Variants in ANTXR2 observed in about 807,000 individuals in gnomAD.
ANTXR2 encodes ANTXR cell adhesion molecule 2.
In ANTXR2, 44 loss-of-function variants were observed where a neutral mutation model predicts 73.7. That is an observed-to-expected ratio of 0.60 (90% CI 0.47 to 0.77). ANTXR2 has a LOEUF of 0.77. ANTXR2 is among the 30% of genes least tolerant of loss of function. The probability of loss-of-function intolerance (pLI) is 0.00; values close to 1 mark genes in which losing one functional copy is unlikely to be tolerated. For missense variants in ANTXR2, 604 were observed against 592.5 expected, an observed-to-expected ratio of 1.02 and a Z score of -0.20; for synonymous variants, 217 against 205.9, an observed-to-expected ratio of 1.05 and a Z score of -0.46.
intron 12 of ANTXR2, among the ~76,000 whole-genome samples, chr4:79,985,710 A>C: frequency 6.6e-6 from 1 of 152,182 alleles, no homozygotes; most frequent in East Asian, 1.9e-4. Flanking sequence ...TGAGACTCCA[A>C]CTGAGAGTCT....
chr4:79,918,977 T>C (rs2109940318), intron 16 of ANTXR2, among the ~76,000 whole-genome samples: 1 of 152,236 alleles, frequency 6.6e-6, no homozygotes, highest in Admixed American at 6.6e-5. Context: ...TATTATTTGA[T>C]GTTATACTGA....
At chr4:80,072,292 C>A (rs937823872) in intron 1 of ANTXR2, 117 bp downstream of exon 1, 4 of 1,182,384 alleles carry the variant, frequency 3.4e-6, no homozygotes, top group African/African-American at 1.6e-5. Context: ...CAACAGGGCA[C>A]CCCTCCGCGG....
intron 16 of ANTXR2, among the ~76,000 whole-genome samples, chr4:79,914,687 T>G (rs1273564081): frequency 1.3e-5 from 2 of 152,164 alleles, no homozygotes; most frequent in African/African-American, 4.8e-5. Flanking sequence ...TGAACTAAGT[T>G]GAAAAATTAA....
At chr4:79,962,948 G>A (rs186045794) in intron 16 of ANTXR2, among the ~76,000 whole-genome samples, 2 of 152,194 alleles carry the variant, frequency 1.3e-5, no homozygotes, top group East Asian at 3.9e-4. Flanking sequence ...GAAGACACTT[G>A]AAGCATCAAA....
intron 7 of ANTXR2, among the ~76,000 whole-genome samples, chr4:80,040,965 T>A (rs1036684653): frequency 1.1e-4 from 17 of 152,074 alleles, no homozygotes; most frequent in Admixed American, 9.9e-4. Flanking sequence ...TTTTCTAAAT[T>A]AAGTACAAGT....
chr4:79,949,010 C>T (rs888949072), intron 16 of ANTXR2, among the ~76,000 whole-genome samples: 1 of 152,094 alleles, frequency 6.6e-6, no homozygotes, highest in Non-Finnish European at 1.5e-5. Flanking sequence ...TAAAGAGACT[C>T]TAAATCCAGT....
chr4:79,962,648 A>T (rs536426833), intron 16 of ANTXR2, among the ~76,000 whole-genome samples: 1 of 152,296 alleles, frequency 6.6e-6, no homozygotes, highest in East Asian at 1.9e-4. Context: ...ACTTTAATAT[A>T]TAAAAGGAAA....
chr4:80,015,699 G>A (rs1731803738), intron 11 of ANTXR2, among the ~76,000 whole-genome samples: 1 of 151,126 alleles, frequency 6.6e-6, no homozygotes, highest in Admixed American at 6.6e-5. Flanking sequence ...AGCATACAAG[G>A]AAAAAGAGAA....
intron 12 of ANTXR2, among the ~76,000 whole-genome samples, chr4:79,992,430 A>T (rs1055836741): frequency 6.6e-6 from 1 of 151,920 alleles, no homozygotes; most frequent in African/African-American, 2.4e-5. Context: ...AATAGTAATT[A>T]AATTTGAATC....
At chr4:79,948,496 A>G (rs548220686) in intron 16 of ANTXR2, among the ~76,000 whole-genome samples, 1 of 152,318 alleles carries the variant, frequency 6.6e-6, no homozygotes, top group South Asian at 2.1e-4. Context: ...AGATTAACTC[A>G]TCTAAGTAAA....
intron 12 of ANTXR2, among the ~76,000 whole-genome samples, chr4:80,004,153 G>A (rs1731191340): frequency 6.6e-6 from 1 of 150,838 alleles, no homozygotes; most frequent in South Asian, 2.1e-4. Context: ...AAAAAAGCCA[G>A]TCTCAAAATA....
At chr4:79,918,722 A>G (rs989415377) in intron 16 of ANTXR2, among the ~76,000 whole-genome samples, 5 of 152,086 alleles carry the variant, frequency 3.3e-5, no homozygotes, top group Non-Finnish European at 7.4e-5. Flanking sequence ...GACACTGGGG[A>G]TGGAAGCTCA....
At chr4:80,019,172 GC>G (rs2110069151) in intron 10 of ANTXR2, among the ~76,000 whole-genome samples, 196 bp from the exon 11 acceptor site, 1 of 152,216 alleles carries the variant, frequency 6.6e-6, no homozygotes, top group South Asian at 2.1e-4. Flanking sequence ...ACCGTGCCCA[GC>G]ATGGCCAACA....
chr4:79,925,206 T>C (rs1727737050), intron 16 of ANTXR2, among the ~76,000 whole-genome samples: 1 of 151,886 alleles, frequency 6.6e-6, no homozygotes. Flanking sequence ...TCAATGCACC[T>C]TGCAAAAAGC....
intron 12 of ANTXR2, among the ~76,000 whole-genome samples, chr4:80,002,653 C>T (rs1170935664): frequency 2.0e-5 from 3 of 151,672 alleles, no homozygotes; most frequent in Non-Finnish European, 4.4e-5. Context: ...ATTTTTGCAA[C>T]CTACTCATCT....
At chr4:79,979,037 A>G (rs1243582694) in intron 14 of ANTXR2, among the ~76,000 whole-genome samples, 4 of 152,208 alleles carry the variant, frequency 2.6e-5, no homozygotes, top group Non-Finnish European at 4.4e-5. Context: ...TTTGAAAAGA[A>G]AAGTTCAGGA....
intron 3 of ANTXR2, among the ~76,000 whole-genome samples, chr4:80,066,186 G>T (rs1734487015): frequency 6.6e-6 from 1 of 152,112 alleles, no homozygotes. Context: ...TTTATTGGAG[G>T]TTGTCCTATG....
At chr4:80,008,359 C>G (rs1408763577) in intron 12 of ANTXR2, among the ~76,000 whole-genome samples, 162 bp downstream of exon 12, 1 of 152,152 alleles carries the variant, frequency 6.6e-6, no homozygotes, top group Non-Finnish European at 1.5e-5. Context: ...TATTTACTGA[C>G]CTGCATGTTT....
intron 11 of ANTXR2, among the ~76,000 whole-genome samples, chr4:80,013,376 T>C (rs1731690574): frequency 6.6e-6 from 1 of 152,190 alleles, no homozygotes; most frequent in Non-Finnish European, 1.5e-5. Context: ...GTCTCAAGGC[T>C]GGTAAGAAAG....
Sources: gnomAD v4.1 joint callset for allele counts (sites outside exome capture counted in the v4.1 genomes callset) on GRCh38, gnomAD v4.1.1 for gene constraint, MANE v1.5 for transcripts, NCBI Gene and HGNC (gene_info 2026-07-23, HGNC 2026-07-21) for gene names.